The following ASCC3 variants were observed in gnomAD, a reference collection of about 807,000 sequenced individuals.
ASCC3 encodes the protein ASC-1 complex subunit P200.
A neutral mutation model predicts 256.3 loss-of-function variants in ASCC3; 158 were observed. The ratio of observed to expected loss-of-function variants is 0.62; its 90% CI spans 0.54 to 0.70. ASCC3 has a LOEUF of 0.70. ASCC3 is among the 30% of genes least tolerant of loss of function. The probability of loss-of-function intolerance (pLI) is 0.00; values close to 1 mark genes in which losing one functional copy is unlikely to be tolerated. For missense variants in ASCC3, 2,259 were observed against 2,626.0 expected (o/e 0.86, Z 3.05); for synonymous variants, 948 against 883.4 (o/e 1.07, Z -1.30).
rs1773643388 is a variant in ASCC3 at position 100,509,398 on chromosome 6, C to T, written c.6597G>A (p.Leu2199=). 1.9e-6 allele frequency: 3 copies of T among 1,614,118 alleles called. No homozygotes were observed. Among genetic ancestry groups the T allele is most frequent in the Non-Finnish European group, 2.5e-6 (3 of 1,180,012 alleles). ...TGTTCAGGTCAAGTTACTTTAATGCCAGGTCAGTCAGGGAATCAGAGACCT... is the reference window on the plus strand; with the variant it reads ...TGTTCAGGTCAAGTTACTTTAATGCTAGGTCAGTCAGGGAATCAGAGACCT... The part of the protein sequence containing the change: ...NTKVSDSLTD[L]ALK Residue 2199 remains leucine, a synonymous_variant, in exon 42 of 42, where the codon CTG becomes CTA. Coordinates refer to ENST00000369162, the MANE Select transcript of ASCC3 (RefSeq NM_006828.4).
chr6:100,546,461 TA>T (rs1171681444), intron 36 of ASCC3, among the ~76,000 whole-genome samples: 2 of 152,130 alleles, frequency 1.3e-5, no homozygotes, highest in Non-Finnish European at 1.5e-5. Flanking sequence ...AGCCCTACAT[TA>T]TTTTTTTTTA....
At chr6:100,528,952 T>A (rs1774729934) in intron 37 of ASCC3, among the ~76,000 whole-genome samples, 1 of 152,218 alleles carries the variant, frequency 6.6e-6, no homozygotes, top group Non-Finnish European at 1.5e-5. Flanking sequence ...TAGTTCCATA[T>A]CTTGAGGCAA....
intron 10 of ASCC3, among the ~76,000 whole-genome samples, chr6:100,733,078 A>G (rs1453195578): frequency 2.0e-5 from 3 of 152,246 alleles, no homozygotes; most frequent in Non-Finnish European, 4.4e-5. Flanking sequence ...AAATATGATG[A>G]AAGTATACAT....
chr6:100,676,575 C>G (rs760083197), intron 14 of ASCC3, among the ~76,000 whole-genome samples: 16 of 152,126 alleles, frequency 1.1e-4, no homozygotes, highest in Non-Finnish European at 1.3e-4. Context: ...GTGGACAAAT[C>G]TGGAAATATA....
intron 13 of ASCC3, among the ~76,000 whole-genome samples, chr6:100,713,185 C>T (rs563269769): frequency 6.6e-6 from 1 of 152,204 alleles, no homozygotes; most frequent in East Asian, 1.9e-4. Context: ...TGTCCTTTGG[C>T]AGGTGAATAG....
chr6:100,774,392 C>T (rs923122085), intron 8 of ASCC3, among the ~76,000 whole-genome samples: 42 of 152,022 alleles, frequency 2.8e-4, no homozygotes, highest in Middle Eastern at 3.4e-3. Context: ...CGGAGATGCA[C>T]TCTCACTCTG....
At chr6:100,645,845 A>G (rs1046051273) in intron 22 of ASCC3, among the ~76,000 whole-genome samples, 1 of 152,208 alleles carries the variant, frequency 6.6e-6, no homozygotes, top group Non-Finnish European at 1.5e-5. Flanking sequence ...ATAGTGTTAA[A>G]TATTCAGAGA....
In ASCC3 at chr6:100,605,587, G is replaced by C. The variant is rs542047939; in HGVS notation, c.5158C>G (p.Pro1720Ala). The change falls in exon 33 of 42, where the codon CCT becomes GCT. Residue 1720 changes from proline to alanine, a missense_variant. Physicochemically the swap from Pro to Ala is conservative, Grantham distance 27. Coordinates refer to ENST00000369162, the MANE Select transcript of ASCC3 (RefSeq NM_006828.4). The part of the protein sequence containing the change: ...KDFYKKFLYE[P>A]FPVESSLLGV... ...ATTTACCTTGATTCTACTGGGAAAG[G>C]TTCATAAAGAAATTTTTTATAAAAG... 3 of 1,527,288 alleles carry C rather than the reference G, an allele frequency of 2.0e-6. No homozygotes were observed. The highest frequency in any genetic ancestry group is 2.7e-6 in the Non-Finnish European group (3 of 1,101,832). 94.6% of individuals were successfully genotyped at this position (1,527,288 alleles called of 1,614,324 possible).
At chr6:100,725,322 G>A (rs2115038888) in intron 11 of ASCC3, among the ~76,000 whole-genome samples, 1 of 151,712 alleles carries the variant, frequency 6.6e-6, no homozygotes, top group Middle Eastern at 3.4e-3. Context: ...AAGACTCTTG[G>A]CATTAGGAAT....
chr6:100,644,137 A>G lies in ASCC3; in HGVS notation c.3634-8T>C, dbSNP rs749647318. 6.3e-7 allele frequency: 1 copy of G among 1,578,272 alleles called. No individual in the cohort carries two copies. Among genetic ancestry groups the G allele is most frequent in the Non-Finnish European group, 8.7e-7 (1 of 1,147,940 alleles). Reference sequence around the variant, plus strand: ...TCCTACTGTCCCATGTACCTAGAAGAAAAATAGCATCCTGCTACTATGCAT... The same window carrying G: ...TCCTACTGTCCCATGTACCTAGAAGGAAAATAGCATCCTGCTACTATGCAT... On this transcript the variant is annotated splice_polypyrimidine_tract_variant and splice_region_variant and intron_variant, in intron 22 of 41. Coordinates refer to ENST00000369162, the MANE Select transcript of ASCC3 (RefSeq NM_006828.4).
At chr6:100,586,097 A>C (rs535486356) in intron 36 of ASCC3, among the ~76,000 whole-genome samples, 93 of 152,284 alleles carry the variant, frequency 6.1e-4, no homozygotes, top group Non-Finnish European at 1.1e-3. Context: ...TGGGAGAACC[A>C]CTGCTCTCTT....
At chr6:100,599,010 G>A (rs970421496) in intron 34 of ASCC3, among the ~76,000 whole-genome samples, 3 of 152,138 alleles carry the variant, frequency 2.0e-5, no homozygotes, top group Non-Finnish European at 2.9e-5. Context: ...AAGTAAGAAA[G>A]TTAGAGTAGA....
chr6:100,601,492 C>G (rs1414060291), intron 34 of ASCC3, among the ~76,000 whole-genome samples: 1 of 152,064 alleles, frequency 6.6e-6, no homozygotes, highest in Non-Finnish European at 1.5e-5. Flanking sequence ...TGAATTCCAA[C>G]TGCATCTAAG....
At chr6:100,767,427 CCTTT>C (rs1781709238) in intron 8 of ASCC3, 82 bp from the exon 9 acceptor site, 1 of 1,402,104 alleles carries the variant, frequency 7.1e-7, no homozygotes, top group South Asian at 1.2e-5. Flanking sequence ...ACATTTATTT[CCTTT>C]GTTTTTTAAA....
At chr6:100,745,113 G>T (rs1207828888) in intron 10 of ASCC3, among the ~76,000 whole-genome samples, 1 of 152,096 alleles carries the variant, frequency 6.6e-6, no homozygotes, top group South Asian at 2.1e-4. Flanking sequence ...CGGATCACAA[G>T]GTCAGGAGTT....
At chr6:100,843,457 TA>T (rs1291388437) in intron 4 of ASCC3, among the ~76,000 whole-genome samples, 1 of 152,152 alleles carries the variant, frequency 6.6e-6, no homozygotes, top group Admixed American at 6.6e-5. Context: ...GTTGTATCAA[TA>T]AAACTCAAAA....
At position 100,657,194 on chromosome 6, in the gene ASCC3, T is replaced by C. The variant is rs1461944779; in HGVS notation, c.2704-1376A>G. The stretch of plus-strand genomic sequence containing the variant: ...CTAAAACAGAGAAATGACCAAAAGT[T>C]GAAATATAATATGGGAGATTCTGTC... On this transcript the variant is annotated intron_variant, in intron 16 of 41. Coordinates refer to ENST00000369162, the MANE Select transcript of ASCC3 (RefSeq NM_006828.4). Among the ~76,000 whole-genome samples, 3 of 151,312 alleles carry C rather than the reference T, an allele frequency of 2.0e-5. No individual in the cohort carries two copies. The South Asian group carries it at 6.2e-4, about 31-fold the overall frequency.
At chr6:100,760,224 G>A (rs1277649328) in intron 10 of ASCC3, among the ~76,000 whole-genome samples, 26 of 152,060 alleles carry the variant, frequency 1.7e-4, no homozygotes, top group Admixed American at 1.7e-3. Context: ...TCCTTGTCTT[G>A]TACTGGTTTT....
At chr6:100,872,834 A>T (rs901327703) in intron 1 of ASCC3, among the ~76,000 whole-genome samples, 1 of 152,196 alleles carries the variant, frequency 6.6e-6, no homozygotes, top group Non-Finnish European at 1.5e-5. Context: ...CCCTAGGAAA[A>T]GGGGGAGAAT....
Sources: allele counts gnomAD v4.1 joint callset (sites outside exome capture counted in the v4.1 genomes callset), GRCh38; gene constraint gnomAD v4.1.1; transcripts MANE v1.5; gene names NCBI Gene and HGNC (gene_info 2026-07-23, HGNC 2026-07-21).